GRIN2A: variants seen among roughly 807,000 people sequenced by gnomAD.
The protein encoded by GRIN2A is glutamate ionotropic receptor NMDA type subunit 2A, also known as glutamate receptor ionotropic, NMDA 2A.
A neutral mutation model predicts 113.4 loss-of-function variants in GRIN2A; 22 were observed. The ratio of observed to expected loss-of-function variants is 0.19; its 90% CI spans 0.14 to 0.28. The LOEUF (loss-of-function observed/expected upper bound fraction) is 0.28. GRIN2A is among the 10% of genes least tolerant of loss of function. GRIN2A has a pLI of 1.00. For synonymous variants in GRIN2A, 827 were observed against 738.4 expected (o/e 1.12, Z -1.94); for missense variants, 1,502 against 1,887.0 (o/e 0.80, Z 3.78).
intron 2 of GRIN2A, among the ~76,000 whole-genome samples, chr16:10,052,737 G>C (rs1018803198): frequency 6.6e-6 from 1 of 152,154 alleles, no homozygotes; most frequent in South Asian, 2.1e-4. Context: ...TGGAGATCCT[G>C]AGCCCTATCC....
chr16:10,053,614 A>G (rs775011341), intron 2 of GRIN2A, among the ~76,000 whole-genome samples: 1 of 152,334 alleles, frequency 6.6e-6, no homozygotes, highest in East Asian at 1.9e-4. Context: ...ACTAAGGTGG[A>G]TTGCCCTGGG....
Position 10,088,018 on chromosome 16 carries a change from T to C in GRIN2A, c.414+91980A>G, listed in dbSNP as rs142695768. On this transcript the variant is annotated intron_variant, in intron 2 of 12. Coordinates refer to ENST00000330684, the MANE Select transcript of GRIN2A (RefSeq NM_001134407.3). ...GCAAATTCTAAGCACTCAGAAAAGT[T>C]ACTTTATTATTGCTATTATCAGTAT... Among the ~76,000 whole-genome samples the C allele has an allele frequency of 2.0e-5, 3 of 152,230 alleles. No homozygotes were observed. In the East Asian group the frequency reaches 5.8e-4, roughly 29 times the overall value.
At chr16:10,024,346 C>T (rs2046781118) in intron 2 of GRIN2A, among the ~76,000 whole-genome samples, 1 of 152,218 alleles carries the variant, frequency 6.6e-6, no homozygotes, top group African/African-American at 2.4e-5. Context: ...CCTCAGCCTC[C>T]TGAGTAGCTG....
At chr16:10,176,563 G>C (rs1311122616) in intron 2 of GRIN2A, among the ~76,000 whole-genome samples, 2 of 152,070 alleles carry the variant, frequency 1.3e-5, no homozygotes, top group African/African-American at 4.8e-5. Context: ...CACGGATGAA[G>C]CTGGAAACCA....
intron 4 of GRIN2A, among the ~76,000 whole-genome samples, chr16:9,883,072 G>A (rs895190583): frequency 4.6e-5 from 7 of 152,078 alleles, no homozygotes; most frequent in African/African-American, 1.7e-4. Flanking sequence ...ATCTTAAGCT[G>A]GTCACTAACC....
At chr16:9,808,870 G>A (rs913693800) in intron 10 of GRIN2A, among the ~76,000 whole-genome samples, 3 of 151,810 alleles carry the variant, frequency 2.0e-5, no homozygotes, top group Non-Finnish European at 2.9e-5. Flanking sequence ...ACTCCCCAAC[G>A]ATCCTTAACA....
intron 2 of GRIN2A, among the ~76,000 whole-genome samples, chr16:10,103,594 A>G (rs1297863563): frequency 6.6e-6 from 1 of 152,202 alleles, no homozygotes; most frequent in Non-Finnish European, 1.5e-5. Flanking sequence ...ATACCTATCT[A>G]TAGATAAGAA....
rs76549675 is a variant in GRIN2A, at chr16:9,834,099, C to A, written c.1777+6G>T. ...CATTGAATCATGCTCATGAAGGTACCCTTACCTTTCCCTTTGGCTAAGTTT... is the reference window on the plus strand; with the variant it reads ...CATTGAATCATGCTCATGAAGGTACACTTACCTTTCCCTTTGGCTAAGTTT... On this transcript the variant is annotated splice_donor_region_variant and intron_variant, in intron 8 of 12. Coordinates refer to ENST00000330684, the MANE Select transcript of GRIN2A (RefSeq NM_001134407.3). 8.7e-6 allele frequency: 14 copies of A among 1,612,242 alleles called. No individual in the cohort carries two copies. Among genetic ancestry groups the A allele is most frequent in the Middle Eastern group, 3.3e-4 (2 of 6,078 alleles).
rs772340081 is a variant in GRIN2A at position 9,763,612 on chromosome 16, A to C, written c.3932T>G (p.Ile1311Arg). 6.2e-7 allele frequency: 1 copy of C among 1,613,354 alleles called. No individual in the cohort carries two copies. Reference sequence around the variant, plus strand: ...AAGCCGTTCCCTGTCCTTGAGGCTTATGCTCCGGGAGGGCCTGCTAAGGTC... The same window carrying C: ...AAGCCGTTCCCTGTCCTTGAGGCTTCTGCTCCGGGAGGGCCTGCTAAGGTC... ...ELDLSRPSRS[I>R]SLKDRERLLE... Residue 1311 changes from isoleucine (I) to arginine (R), a missense_variant, in exon 13 of 13, where the codon ATA becomes AGA. Transcript: ENST00000330684.
intron 2 of GRIN2A, among the ~76,000 whole-genome samples, chr16:10,169,588 C>T (rs72776078): frequency 0.22 from 34,130 of 152,068 alleles, 4,290 homozygotes; most frequent in East Asian, 0.47. Context: ...GGAACAGAAG[C>T]AGCCATATTG....
intron 2 of GRIN2A, among the ~76,000 whole-genome samples, chr16:10,082,425 G>C (rs988223072): frequency 1.3e-5 from 2 of 152,202 alleles, no homozygotes; most frequent in African/African-American, 4.8e-5. Context: ...CTCCCCTTGA[G>C]TACAGGTGAA....
Position 9,891,008 on chromosome 16 carries a change from T to C in GRIN2A, c.1100A>G (p.Asn367Ser). The C allele has an allele frequency of 1.9e-6, 3 of 1,611,150 alleles. No individual in the cohort carries two copies. The highest frequency in any genetic ancestry group is 2.2e-5 in the South Asian group (2 of 91,010). ...VHPRLVVIVL[N>S]KDREWEKVGK... ...CACCTTTTCCCATTCCCGGTCTTTGTTCAGCACAATCACCACCAGCCTGGG... is the reference window on the plus strand; with the variant it reads ...CACCTTTTCCCATTCCCGGTCTTTGCTCAGCACAATCACCACCAGCCTGGG... Residue 367 changes from asparagine to serine, a missense_variant, in exon 4 of 13, where the codon AAC (asparagine) becomes AGC (serine). By Grantham distance (46) the Asn-to-Ser change is conservative. Around this residue, in one of 7 missense-constraint regions of GRIN2A, gnomAD observed 334 missense variants for 403.0 expected, o/e 0.83. Transcript: ENST00000330684.
rs1383942706 is a variant in GRIN2A, at chr16:9,754,824, G to A, written c.*8325C>T. 1.4e-5 allele frequency: 3 copies of A among 221,730 alleles called. No homozygotes were observed. Among genetic ancestry groups the A allele is most frequent in the African/African-American group, 2.2e-5 (1 of 44,720 alleles). The allele number at this position is 221,730 out of a possible 1,614,324, so 13.7% of individuals were successfully genotyped here. A position where few individuals can be genotyped will look rare whatever the true frequency, so the allele number is the denominator to read the frequency against. On this transcript the variant is annotated 3_prime_UTR_variant, in exon 13 of 13. Coordinates refer to ENST00000330684, the MANE Select transcript of GRIN2A (RefSeq NM_001134407.3). ...AATGTTTTCGTATTTCTGGATCTTC[G>A]CTCTTTGCTCAGTTATCAATAGTCT... is the stretch of plus-strand genomic sequence containing the variant.
At chr16:9,941,418 G>A (rs1008707695) in intron 2 of GRIN2A, among the ~76,000 whole-genome samples, 1 of 152,232 alleles carries the variant, frequency 6.6e-6, no homozygotes, top group Non-Finnish European at 1.5e-5. Context: ...TCAGGAGAAA[G>A]ATAATTGGAG....
chr16:10,062,251 C>T (rs1355233364), intron 2 of GRIN2A, among the ~76,000 whole-genome samples: 1 of 152,202 alleles, frequency 6.6e-6, no homozygotes, highest in Non-Finnish European at 1.5e-5. Context: ...TACAACTACT[C>T]ACCCCTGCTG....
intron 11 of GRIN2A, among the ~76,000 whole-genome samples, chr16:9,795,459 C>T (rs146803399): frequency 3.3e-5 from 5 of 152,328 alleles, no homozygotes; most frequent in African/African-American, 1.2e-4. Context: ...TGGGTCTGCT[C>T]TGTCTATGGA....
At chr16:9,798,494 G>T (rs761326931) in intron 10 of GRIN2A, 30 bp from the exon 11 acceptor site, 2 of 1,592,606 alleles carry the variant, frequency 1.3e-6, no homozygotes, top group Non-Finnish European at 1.7e-6. Context: ...GGGGGTCATA[G>T]GGGTGGCCAG....
chr16:10,028,382 C>A (rs907034886), intron 2 of GRIN2A, among the ~76,000 whole-genome samples: 1 of 152,190 alleles, frequency 6.6e-6, no homozygotes, highest in Non-Finnish European at 1.5e-5. Context: ...CAGTGTGGCA[C>A]TGTCGCTGGG....
At chr16:9,983,074 A>G (rs2045919944) in intron 2 of GRIN2A, among the ~76,000 whole-genome samples, 1 of 152,196 alleles carries the variant, frequency 6.6e-6, no homozygotes, top group Admixed American at 6.5e-5. Context: ...AGGCAAGGTA[A>G]TTAGCTTATC....
Sources: allele counts gnomAD v4.1 joint callset (sites outside exome capture counted in the v4.1 genomes callset), GRCh38; gene constraint gnomAD v4.1.1; regional missense constraint gnomAD v4.1.1; transcripts MANE v1.5; gene names NCBI Gene and HGNC (gene_info 2026-07-23, HGNC 2026-07-21).